Variants in GIGYF2 observed in about 807,000 individuals in gnomAD.
GIGYF2 encodes the protein GRB10 interacting GYF protein 2, also known as GRB10-interacting GYF protein 2.
Under a neutral mutation model 208.1 loss-of-function variants are expected in GIGYF2, and 25 were observed. The observed-to-expected ratio is 0.12, with a 90% confidence interval of 0.09 to 0.17. GIGYF2 has a LOEUF of 0.17. Ranked by LOEUF, GIGYF2 falls within the 10% of genes least tolerant of loss-of-function variation. GIGYF2 has a pLI of 1.00. For missense variants in GIGYF2, 1,302 were observed against 1,579.4 expected (o/e 0.82, Z 2.98); for synonymous variants, 534 against 543.8 (o/e 0.98, Z 0.25).
intron 21 of GIGYF2, among the ~76,000 whole-genome samples, chr2:232,822,210 G>T (rs1004667389): frequency 3.9e-5 from 6 of 152,118 alleles, no homozygotes; most frequent in Admixed American, 3.9e-4. Context: ...AAATTGAAGA[G>T]AATTCACATT....
At chr2:232,769,275 A>T (rs1024414286) in intron 8 of GIGYF2, among the ~76,000 whole-genome samples, 11 of 152,148 alleles carry the variant, frequency 7.2e-5, no homozygotes, top group Admixed American at 5.2e-4. Context: ...TCACGCCTGT[A>T]ATCCCGGCAC....
At chr2:232,761,493 C>A in intron 8 of GIGYF2, 57 bp downstream of exon 8, 2 of 984,130 alleles carry the variant, frequency 2.0e-6, no homozygotes, top group South Asian at 2.6e-5. Flanking sequence ...ACTCAGTTAC[C>A]TGCACCTCTC....
At chr2:232,834,809 T>C (rs10176930) in intron 22 of GIGYF2, among the ~76,000 whole-genome samples, 24,422 of 151,032 alleles carry the variant, frequency 0.16, 2,128 homozygotes, top group Non-Finnish European at 0.18. Context: ...CCAGTTCAGA[T>C]ACACTATAGT....
chr2:232,837,009 A>C (rs1046142019), intron 22 of GIGYF2, among the ~76,000 whole-genome samples: 3 of 152,206 alleles, frequency 2.0e-5, no homozygotes, highest in African/African-American at 7.2e-5. Context: ...GGGTGGGCAG[A>C]ATAGTAGCCT....
chr2:232,819,439 G>C (rs756876188), intron 20 of GIGYF2, among the ~76,000 whole-genome samples: 17 of 151,984 alleles, frequency 1.1e-4, no homozygotes, highest in Non-Finnish European at 2.5e-4. Context: ...TGGCTATGTT[G>C]ATTTGCCCTC....
At position 232,858,633 on chromosome 2, in the gene GIGYF2, G is replaced by A; in HGVS notation, c.*1773G>A. On this transcript the variant is annotated 3_prime_UTR_variant, in exon 29 of 29. Coordinates refer to ENST00000373563, the MANE Select transcript of GIGYF2 (RefSeq NM_001103146.3). ...TAAAATCTGATTGTATTCTATCTGAGTGCACCTCTTGTACTCACCTTTATG... is the reference window on the plus strand; with the variant it reads ...TAAAATCTGATTGTATTCTATCTGAATGCACCTCTTGTACTCACCTTTATG... The A allele has an allele frequency of 2.2e-6, 1 of 451,780 alleles. No individual in the cohort carries two copies. Among genetic ancestry groups the A allele is most frequent in the Admixed American group, 2.4e-5 (1 of 41,850 alleles). The allele number at this position is 451,780 out of a possible 1,614,324, so 28.0% of individuals were successfully genotyped here. A position where few individuals can be genotyped will look rare whatever the true frequency, so the allele number is the denominator to read the frequency against.
intron 19 of GIGYF2, 187 bp downstream of exon 19, chr2:232,815,924 A>G: frequency 1.7e-6 from 1 of 588,172 alleles, no homozygotes; most frequent in Non-Finnish European, 3.0e-6. Context: ...AACTCAAAAC[A>G]GAATTTAAAT....
At chr2:232,764,979 A>G (rs1698896585) in intron 8 of GIGYF2, among the ~76,000 whole-genome samples, 1 of 152,200 alleles carries the variant, frequency 6.6e-6, no homozygotes, top group African/African-American at 2.4e-5. Context: ...CATAAAACTA[A>G]ACTAACATGA....
chr2:232,781,855 T>C (rs1402622128), intron 8 of GIGYF2, among the ~76,000 whole-genome samples: 1 of 152,204 alleles, frequency 6.6e-6, no homozygotes, highest in Non-Finnish European at 1.5e-5. Flanking sequence ...CTGCCTAGGT[T>C]CTGTTTCTGA....
chr2:232,702,019 G>A (rs1452624247), intron 1 of GIGYF2, among the ~76,000 whole-genome samples: 1 of 152,062 alleles, frequency 6.6e-6, no homozygotes, highest in Non-Finnish European at 1.5e-5. Context: ...TAAAAAATTA[G>A]CTGAGTATGG....
rs112135679 is a variant in GIGYF2, at chr2:232,749,424, G to A, written c.267+342G>A. On this transcript the variant is annotated intron_variant, in intron 5 of 28. Coordinates refer to ENST00000373563, the MANE Select transcript of GIGYF2 (RefSeq NM_001103146.3). ...GTAATTGCCAACCTGAATTCTTACCGGTGCATTTTACCACTAAGGGAAAAA... is the reference window on the plus strand; with the variant it reads ...GTAATTGCCAACCTGAATTCTTACCAGTGCATTTTACCACTAAGGGAAAAA... 5.8e-3 allele frequency among the ~76,000 whole-genome samples: 876 copies of A among 152,112 alleles called. 3 individuals carry two copies. The highest frequency in any genetic ancestry group is 0.02 in the African/African-American group (834 of 41,494).
intron 18 of GIGYF2, among the ~76,000 whole-genome samples, chr2:232,812,856 C>G (rs894154394): frequency 2.0e-5 from 3 of 152,094 alleles, no homozygotes; most frequent in African/African-American, 7.2e-5. Context: ...TTAATACAAG[C>G]TAGGCATGGT....
chr2:232,766,155 C>T (rs1698954545), intron 8 of GIGYF2, among the ~76,000 whole-genome samples: 1 of 152,182 alleles, frequency 6.6e-6, no homozygotes, highest in Non-Finnish European at 1.5e-5. Context: ...ATGAACAGTC[C>T]TCCCAGAAAC....
intron 27 of GIGYF2, among the ~76,000 whole-genome samples, chr2:232,847,905 T>C (rs892296233): frequency 5.9e-5 from 9 of 152,232 alleles, no homozygotes; most frequent in African/African-American, 2.2e-4. Context: ...AATTTTCCAG[T>C]GTTCAGGATG....
intron 14 of GIGYF2, among the ~76,000 whole-genome samples, chr2:232,805,277 G>T (rs751085965): frequency 1.3e-5 from 2 of 152,118 alleles, no homozygotes; most frequent in Non-Finnish European, 2.9e-5. Flanking sequence ...CAGATTTTCT[G>T]CTAGTTGGTC....
intron 22 of GIGYF2, among the ~76,000 whole-genome samples, chr2:232,837,054 G>A (rs1193284562): frequency 6.6e-6 from 1 of 152,190 alleles, no homozygotes; most frequent in Non-Finnish European, 1.5e-5. Flanking sequence ...TGATGGCTTG[G>A]CCCGGCCAGC....
At chr2:232,847,595 G>T (rs768901013) in intron 27 of GIGYF2, 24 bp downstream of exon 27, 1 of 1,611,128 alleles carries the variant, frequency 6.2e-7, no homozygotes, top group Non-Finnish European at 8.5e-7. Flanking sequence ...TGGTGTATGC[G>T]GTACCTCTGA....
chr2:232,726,411 C>T (rs959342967), intron 2 of GIGYF2, among the ~76,000 whole-genome samples: 2 of 150,830 alleles, frequency 1.3e-5, no homozygotes, highest in Non-Finnish European at 3.0e-5. Flanking sequence ...ACACCCTTCT[C>T]CCCACCGCCA....
At chr2:232,835,669 A>G (rs7558609) in intron 22 of GIGYF2, among the ~76,000 whole-genome samples, 103,774 of 151,980 alleles carry the variant, frequency 0.68, 35,804 homozygotes, top group African/African-American at 0.73. Context: ...TTTTAGTGGA[A>G]TCCAGTTCTC....
Sources: allele counts gnomAD v4.1 joint callset (sites outside exome capture counted in the v4.1 genomes callset), GRCh38; gene constraint gnomAD v4.1.1; transcripts MANE v1.5; gene names NCBI Gene and HGNC (gene_info 2026-07-23, HGNC 2026-07-21).